TENM2: variants seen among roughly 807,000 people sequenced by gnomAD.
TENM2 encodes teneurin transmembrane protein 2.
A neutral mutation model predicts 245.2 loss-of-function variants in TENM2; 52 were observed. That is an observed-to-expected ratio of 0.21 (90% confidence interval 0.17 to 0.27). TENM2 has a LOEUF of 0.27. Among genes scored for constraint, TENM2 ranks in the 10% least tolerant of loss-of-function variants. The pLI is 1.00. For missense variants in TENM2, 3,046 were observed against 3,666.8 expected, an observed-to-expected ratio of 0.83 and a Z score of 4.37; for synonymous variants, 1,363 against 1,438.9, an observed-to-expected ratio of 0.95 and a Z score of 1.19.
the TENM2 span, among the ~76,000 whole-genome samples, chr5:167,244,351 G>A: frequency 7.9e-5 from 12 of 152,086 alleles, no homozygotes; most frequent in African/African-American, 2.2e-4. Flanking sequence ...CATTTAACAC[G>A]TGTTAACCTA....
the TENM2 span, among the ~76,000 whole-genome samples, chr5:167,133,645 A>G: frequency 1.3e-5 from 2 of 151,414 alleles, no homozygotes; most frequent in Non-Finnish European, 2.9e-5. Context: ...GCAAAAAAGA[A>G]TGGGCTGGCT....
At chr5:168,037,690 A>G (rs1275451111) in intron 5 of TENM2, among the ~76,000 whole-genome samples, 1 of 152,200 alleles carries the variant, frequency 6.6e-6, no homozygotes, top group African/African-American at 2.4e-5. Flanking sequence ...TACATTGCAC[A>G]CAGACACCAG....
chr5:168,001,213 A>G (rs1232222425), intron 5 of TENM2, among the ~76,000 whole-genome samples: 2 of 152,114 alleles, frequency 1.3e-5, no homozygotes, highest in Non-Finnish European at 2.9e-5. Context: ...CCCAAATTGC[A>G]CTTCTGAGTT....
the TENM2 span, among the ~76,000 whole-genome samples, chr5:167,104,376 C>G: frequency 1.2e-4 from 19 of 152,240 alleles, no homozygotes; most frequent in African/African-American, 4.6e-4. Context: ...GCTGAGTGTT[C>G]CTCAGAATAA....
chr5:168,204,447 A>G (rs1041934519), exon 19 of TENM2: 1 of 1,613,994 alleles, frequency 6.2e-7, no homozygotes, highest in South Asian at 1.1e-5. Flanking sequence ...ATCATGGGCA[A>G]TGGTCGCCGC....
At chr5:167,495,245 T>TG (rs1491432046) in intron 2 of TENM2, among the ~76,000 whole-genome samples, 1 of 11,454 alleles carries the variant, frequency 8.7e-5, no homozygotes, top group Non-Finnish European at 4.1e-4. Context: ...TTGTTTTTTG[T>TG]TTTTTTTTTT....
the TENM2 span, among the ~76,000 whole-genome samples, chr5:166,979,581 C>A: frequency 1.3e-5 from 2 of 152,114 alleles, no homozygotes; most frequent in African/African-American, 2.4e-5. Context: ...CCTTTTCTTT[C>A]TTTCTTGTTT....
At chr5:167,882,520 A>G (rs1391323641) in intron 3 of TENM2, among the ~76,000 whole-genome samples, 17 of 152,174 alleles carry the variant, frequency 1.1e-4, no homozygotes, top group Non-Finnish European at 2.2e-4. Context: ...ACACTGGGTA[A>G]TTTATAAAGG....
chr5:167,770,907 A>G (rs1292308470), intron 2 of TENM2, among the ~76,000 whole-genome samples: 2 of 152,098 alleles, frequency 1.3e-5, no homozygotes, highest in African/African-American at 4.8e-5. Context: ...CTGAGAGAGG[A>G]TAGTACAGCT....
chr5:167,822,743 C>T (rs1288305295), intron 2 of TENM2, among the ~76,000 whole-genome samples: 1 of 151,864 alleles, frequency 6.6e-6, no homozygotes, highest in African/African-American at 2.4e-5. Context: ...ACAACAAAAA[C>T]AACAACACAT....
chr5:167,900,560 T>A (rs1775619094), intron 3 of TENM2, among the ~76,000 whole-genome samples: 1 of 152,090 alleles, frequency 6.6e-6, no homozygotes, highest in Non-Finnish European at 1.5e-5. Context: ...ATTTCTCATG[T>A]TTGGAAGTGA....
At chr5:167,257,322 G>T in the TENM2 span, among the ~76,000 whole-genome samples, 23 of 151,472 alleles carry the variant, frequency 1.5e-4, no homozygotes, top group Non-Finnish European at 2.7e-4. Flanking sequence ...CCATTTGAAG[G>T]TTATAAAATA....
intron 14 of TENM2, 70 bp from the exon 17 acceptor site, chr5:168,195,106 C>T: frequency 6.5e-7 from 1 of 1,536,140 alleles, no homozygotes; most frequent in Non-Finnish European, 8.8e-7. Flanking sequence ...GATGAGGGAG[C>T]AGAGGCAGTG....
chr5:167,706,084 G>GTA (rs889402810), intron 2 of TENM2, among the ~76,000 whole-genome samples: 1 of 143,624 alleles, frequency 7.0e-6, no homozygotes, highest in Admixed American at 7.1e-5. Flanking sequence ...TACAGTGTGT[G>GTA]TATATATATA....
chr5:167,509,285 TGTG>T (rs1465797970), intron 2 of TENM2, among the ~76,000 whole-genome samples: 3 of 152,246 alleles, frequency 2.0e-5, no homozygotes, highest in Non-Finnish European at 2.9e-5. Context: ...AATTTCTAAT[TGTG>T]GTGAGAAGCA....
chr5:167,709,533 T>C (rs1758766306), intron 2 of TENM2, among the ~76,000 whole-genome samples: 1 of 152,220 alleles, frequency 6.6e-6, no homozygotes, highest in African/African-American at 2.4e-5. Context: ...GAAGAGATGG[T>C]GGCGGTCCAG....
intron 7 of TENM2, among the ~76,000 whole-genome samples, chr5:168,072,637 G>T (rs1237614372): frequency 6.6e-6 from 1 of 152,146 alleles, no homozygotes; most frequent in Non-Finnish European, 1.5e-5. Context: ...GATCATCCTG[G>T]TCTGGGTTTG....
chr5:167,450,814 A>G (rs1402822405), intron 2 of TENM2, among the ~76,000 whole-genome samples: 1 of 152,132 alleles, frequency 6.6e-6, no homozygotes, highest in Non-Finnish European at 1.5e-5. Flanking sequence ...TCTGTGCTAC[A>G]TTAGATACCT....
At chr5:168,246,925 G>T (rs752989891) in exon 27 of TENM2, 9 of 1,613,978 alleles carry the variant, frequency 5.6e-6, no homozygotes, top group Middle Eastern at 1.6e-4. Flanking sequence ...CAATGCTTCG[G>T]TCATCTTTGA....
Sources: gnomAD v4.1 joint callset for allele counts (sites outside exome capture counted in the v4.1 genomes callset) on GRCh38, gnomAD v4.1.1 for gene constraint, MANE v1.5 for transcripts, NCBI Gene and HGNC (gene_info 2026-07-23, HGNC 2026-07-21) for gene names.